RYR2: variants seen among roughly 807,000 people sequenced by gnomAD.
RYR2 encodes the protein cardiac muscle ryanodine receptor-calcium release channel.
A neutral mutation model predicts 601.1 loss-of-function variants in RYR2; 227 were observed. The observed-to-expected ratio is 0.38, with a 90% CI of 0.34 to 0.42. RYR2 has a LOEUF of 0.42. Among genes scored for constraint, RYR2 ranks in the 10% least tolerant of loss-of-function variants. The pLI is 1.00. For missense variants in RYR2, 4,646 were observed against 6,156.5 expected (o/e 0.75, Z 8.21); for synonymous variants, 2,223 against 2,175.1 (o/e 1.02, Z -0.61).
At chr1:237,795,625 A>ATTTTT (rs3039719) in intron 96 of RYR2, among the ~76,000 whole-genome samples, 10 of 149,838 alleles carry the variant, frequency 6.7e-5, no homozygotes, top group East Asian at 5.9e-4. Flanking sequence ...TAATTTTTGT[A>ATTTTT]TTTTTAGTCG....
intron 29 of RYR2, among the ~76,000 whole-genome samples, chr1:237,584,824 C>T (rs981561893): frequency 6.6e-6 from 1 of 151,896 alleles, no homozygotes; most frequent in Admixed American, 6.6e-5. Flanking sequence ...CCATGCCCAG[C>T]TAATTTTTAA....
chr1:237,083,130 C>G (rs1333663109), intron 1 of RYR2, among the ~76,000 whole-genome samples: 1 of 152,136 alleles, frequency 6.6e-6, no homozygotes, highest in Non-Finnish European at 1.5e-5. Context: ...CAGCAGTTAC[C>G]CTTTTCAACA....
intron 92 of RYR2, among the ~76,000 whole-genome samples, chr1:237,789,232 C>CA (rs1658046868): frequency 6.6e-6 from 1 of 151,886 alleles, no homozygotes; most frequent in East Asian, 1.9e-4. Context: ...CTTGAGAAAT[C>CA]AAAAATTGAC....
intron 58 of RYR2, among the ~76,000 whole-genome samples, chr1:237,671,574 A>G (rs1412569307): frequency 6.6e-6 from 1 of 151,870 alleles, no homozygotes; most frequent in African/African-American, 2.4e-5. Flanking sequence ...ATAAGAAGTC[A>G]GAAACACTAA....
intron 1 of RYR2, among the ~76,000 whole-genome samples, chr1:237,059,278 C>T (rs1393996909): frequency 6.6e-6 from 1 of 152,020 alleles, no homozygotes; most frequent in Non-Finnish European, 1.5e-5. Flanking sequence ...ATGATGATGC[C>T]ATTGCCATCT....
intron 20 of RYR2, among the ~76,000 whole-genome samples, chr1:237,497,313 A>G (rs908011797): frequency 6.6e-6 from 1 of 152,218 alleles, no homozygotes; most frequent in African/African-American, 2.4e-5. Context: ...AAATAAAGGA[A>G]TAGGTCATTT....
chr1:237,799,725 A>G (rs1659726490), intron 97 of RYR2, among the ~76,000 whole-genome samples: 1 of 152,206 alleles, frequency 6.6e-6, no homozygotes, highest in African/African-American at 2.4e-5. Context: ...TCTTAATGGG[A>G]ACATTCAAAT....
At chr1:237,642,801 A>G (rs542822528) in intron 47 of RYR2, among the ~76,000 whole-genome samples, 1 of 152,324 alleles carries the variant, frequency 6.6e-6, no homozygotes, top group South Asian at 2.1e-4. Context: ...GTTAGGATTT[A>G]TGTTCGTCAT....
At chr1:237,503,155 T>C (rs1664843777) in intron 21 of RYR2, 134 bp from the exon 22 acceptor site, 2 of 704,198 alleles carry the variant, frequency 2.8e-6, no homozygotes, top group Non-Finnish European at 4.8e-6. Flanking sequence ...GATCACATTA[T>C]GATGGTACGT....
At chr1:237,293,753 T>C (rs1264720390) in intron 2 of RYR2, among the ~76,000 whole-genome samples, 1 of 152,220 alleles carries the variant, frequency 6.6e-6, no homozygotes, top group Non-Finnish European at 1.5e-5. Context: ...TCCCATGTCC[T>C]GTCCAGCGCA....
At chr1:237,463,159 T>C (rs566525750) in intron 16 of RYR2, among the ~76,000 whole-genome samples, 1 of 152,272 alleles carries the variant, frequency 6.6e-6, no homozygotes, top group Non-Finnish European at 1.5e-5. Flanking sequence ...TTGAAAAATG[T>C]TTCTAGATTT....
rs1191789372 is a variant in RYR2, at chr1:237,360,006, A to ATT, written c.294+4024_294+4025dup. Among the ~76,000 whole-genome samples, 41 of 152,188 alleles carry ATT rather than the reference A, an allele frequency of 2.7e-4. 2 individuals are homozygous for ATT. Among genetic ancestry groups the ATT allele is most frequent in the Admixed American group, 2.7e-3 (41 of 15,274 alleles). On this transcript the variant is annotated intron_variant, in intron 4 of 104. Coordinates refer to ENST00000366574, the MANE Select transcript of RYR2 (RefSeq NM_001035.3). Reference sequence around the variant, plus strand: ...AGACTGAGTGATGTCTTACACATGTATTTTCTCTTAAAAAATATGATGATG... The same window carrying ATT: ...AGACTGAGTGATGTCTTACACATGTATTTTTTCTCTTAAAAAATATGATGATG...
rs563675383 is a variant in RYR2, at chr1:237,536,872, C to T, written c.2906+6362C>T. Among the ~76,000 whole-genome samples, 901 of 150,566 alleles carry T rather than the reference C, an allele frequency of 6.0e-3. 8 individuals are homozygous for T. Among genetic ancestry groups the T allele is most frequent in the African/African-American group, 0.021 (836 of 40,404 alleles). ...CTGCACTCCAGCCTGGGCGACAGAG[C>T]GAGACTCCATCTCAAAAAAAAAAGA... On this transcript the variant is annotated intron_variant, in intron 25 of 104. Transcript: ENST00000366574.
intron 1 of RYR2, among the ~76,000 whole-genome samples, chr1:237,261,340 A>C (rs1284649985): frequency 6.6e-6 from 1 of 152,080 alleles, no homozygotes; most frequent in Admixed American, 6.6e-5. Flanking sequence ...TCCCCCAGTA[A>C]AATCCAAAGG....
intron 56 of RYR2, 74 bp downstream of exon 56, chr1:237,661,021 G>A (rs962669043): frequency 8.2e-7 from 1 of 1,222,476 alleles, no homozygotes; most frequent in African/African-American, 1.6e-5. Flanking sequence ...TAATTATTGA[G>A]TTTTTCTAAA....
chr1:237,693,036 T>C (rs1210330326), intron 63 of RYR2, among the ~76,000 whole-genome samples: 1 of 152,204 alleles, frequency 6.6e-6, no homozygotes, highest in East Asian at 1.9e-4. Flanking sequence ...AAGAAGCCTA[T>C]AGTCTAATAG....
chr1:237,728,324 A>G (rs1245999026), intron 76 of RYR2, among the ~76,000 whole-genome samples: 2 of 152,180 alleles, frequency 1.3e-5, no homozygotes. Context: ...CAAATGTGCT[A>G]CTTCTCAATT....
intron 1 of RYR2, among the ~76,000 whole-genome samples, chr1:237,218,814 G>A (rs901117438): frequency 8.6e-5 from 13 of 152,006 alleles, no homozygotes; most frequent in African/African-American, 3.1e-4. Context: ...AACAAGCTGG[G>A]GAGTCAGAGA....
At position 237,095,537 on chromosome 1, in the gene RYR2, C is replaced by T. The variant is rs115567987; in HGVS notation, c.48+52968C>T. Among the ~76,000 whole-genome samples the T allele has an allele frequency of 9.0e-3, 1,378 of 152,266 alleles. 27 individuals carry two copies. The highest frequency in any genetic ancestry group is 0.031 in the African/African-American group (1,294 of 41,546). On this transcript the variant is annotated intron_variant, in intron 1 of 104. Coordinates refer to ENST00000366574, the MANE Select transcript of RYR2 (RefSeq NM_001035.3). ...TAATTTTAGCTGACAGCAGCACTGC[C>T]GACATCTCTTTCTCACTCAAGGGAA...
Sources: allele counts gnomAD v4.1 joint callset (sites outside exome capture counted in the v4.1 genomes callset), GRCh38; gene constraint gnomAD v4.1.1; transcripts MANE v1.5; gene names NCBI Gene and HGNC (gene_info 2026-07-23, HGNC 2026-07-21).